The following SEMA3D variants were observed in gnomAD, a reference collection of about 807,000 sequenced individuals.
SEMA3D encodes the protein semaphorin 3D, also known as semaphorin-3D.
In SEMA3D, 84 loss-of-function variants were observed where a neutral mutation model predicts 100.1. That is an observed-to-expected ratio of 0.84 (90% CI 0.70 to 1.01). The LOEUF is 1.01. Among genes scored for constraint, SEMA3D ranks in the 50% least tolerant of loss-of-function variants. The probability of loss-of-function intolerance (pLI) is 0.00; values close to 1 mark genes in which losing one functional copy is unlikely to be tolerated. For synonymous variants in SEMA3D, 312 were observed against 320.7 expected, an observed-to-expected ratio of 0.97 and a Z score of 0.29; for missense variants, 875 against 934.1, an observed-to-expected ratio of 0.94 and a Z score of 0.82.
At chr7:85,020,184 C>T (rs762666588) in intron 14 of SEMA3D, 49 bp downstream of exon 14, 1 of 1,240,936 alleles carries the variant, frequency 8.1e-7, no homozygotes, top group Non-Finnish European at 1.2e-6. Flanking sequence ...ATAACAAGCG[C>T]TACTCAGTTT....
rs192329467 is a variant in SEMA3D, at chr7:85,035,521, G to A, written c.1191+1368C>T. Among the ~76,000 whole-genome samples, 300 of 151,898 alleles carry A rather than the reference G, an allele frequency of 2.0e-3. 1 individual carries two copies. The highest frequency in any genetic ancestry group is 0.01 in the Middle Eastern group (3 of 294). On this transcript the variant is annotated intron_variant, in intron 12 of 18. Coordinates refer to ENST00000284136, the MANE Select transcript of SEMA3D (RefSeq NM_001384900.1). Reference sequence around the variant, plus strand: ...CACTGCATGATTCCACTTATATAAGGTATCTATAATAGTCAAAATAATAGA... The same window carrying A: ...CACTGCATGATTCCACTTATATAAGATATCTATAATAGTCAAAATAATAGA...
At chr7:85,236,007 C>T in the SEMA3D span, among the ~76,000 whole-genome samples, 3 of 151,996 alleles carry the variant, frequency 2.0e-5, no homozygotes, top group East Asian at 1.9e-4. Context: ...TTTGTAAGGC[C>T]CCCTTTGAGA....
At chr7:85,246,340 A>G in the SEMA3D span, among the ~76,000 whole-genome samples, 1 of 152,070 alleles carries the variant, frequency 6.6e-6, no homozygotes, top group African/African-American at 2.4e-5. Context: ...GAAGTACTTC[A>G]TACAAAAAGC....
chr7:85,128,835 G>A (rs902839640), intron 2 of SEMA3D, among the ~76,000 whole-genome samples: 1 of 134,848 alleles, frequency 7.4e-6, no homozygotes, highest in Admixed American at 7.3e-5. Flanking sequence ...TTGGAAACTT[G>A]TTTTTCAAAG....
intron 18 of SEMA3D, among the ~76,000 whole-genome samples, chr7:85,004,598 C>G (rs1380039944): frequency 6.6e-6 from 1 of 152,086 alleles, no homozygotes; most frequent in Non-Finnish European, 1.5e-5. Flanking sequence ...ATGTTCTCCT[C>G]CTGGCAGAGA....
At chr7:85,016,973 A>G (rs1790122397) in intron 15 of SEMA3D, among the ~76,000 whole-genome samples, 1 of 151,606 alleles carries the variant, frequency 6.6e-6, no homozygotes, top group South Asian at 2.1e-4. Context: ...GGATATATAA[A>G]GATATATAAA....
intron 3 of SEMA3D, among the ~76,000 whole-genome samples, chr7:85,116,098 A>T (rs1433748466): frequency 6.6e-6 from 1 of 151,472 alleles, no homozygotes; most frequent in Middle Eastern, 3.2e-3. Flanking sequence ...TTTGTCATGA[A>T]TATGTTTGTG....
At chr7:85,019,776 G>A (rs1230859285) in intron 14 of SEMA3D, among the ~76,000 whole-genome samples, 1 of 151,496 alleles carries the variant, frequency 6.6e-6, no homozygotes, top group Non-Finnish European at 1.5e-5. Flanking sequence ...GAGGAGTTTA[G>A]CATACATGAA....
rs3076567 is a variant in SEMA3D at position 85,181,319 on chromosome 7, A to AACACACACAC, written c.-173+5349_-173+5358dup. Among the ~76,000 whole-genome samples, 75 of 93,678 alleles carry AACACACACAC rather than the reference A, an allele frequency of 8.0e-4. 1 individual carries two copies. Among genetic ancestry groups the AACACACACAC allele is most frequent in the African/African-American group, 3.2e-3 (69 of 21,246 alleles). The allele number at this position is 93,678 out of a possible 152,430, so 61.5% of individuals were successfully genotyped here. On this transcript the variant is annotated intron_variant, in intron 1 of 18. Transcript: ENST00000284136. Reference sequence around the variant, plus strand: ...TGACAAAGAATAAAGACATGCTCACAACACACACACACACACACACACACA... The same window carrying AACACACACAC: ...TGACAAAGAATAAAGACATGCTCACAACACACACACACACACACACACACACACACACACA...
intron 8 of SEMA3D, among the ~76,000 whole-genome samples, chr7:85,056,971 G>GATT (rs778647806): frequency 6.7e-6 from 1 of 149,598 alleles, no homozygotes; most frequent in Non-Finnish European, 1.5e-5. Flanking sequence ...TAATAAGTGT[G>GATT]ATTATTATTA....
rs1044460415 is a variant in SEMA3D at position 85,144,739 on chromosome 7, T to A, written c.-41+8869A>T. ...TTCCCCTTGCCTCTAGTATGATATG[T>A]CTGAATGGTGTAAAGCAAATAATAA... is the stretch of plus-strand genomic sequence containing the variant. On this transcript the variant is annotated intron_variant, in intron 2 of 18. Coordinates refer to ENST00000284136, the MANE Select transcript of SEMA3D (RefSeq NM_001384900.1). 1.7e-5 allele frequency: 15 copies of A among 862,216 alleles called. No homozygotes were observed. The African/African-American group carries it at 2.7e-4, about 16-fold the overall frequency. 53.4% of individuals were successfully genotyped at this position (862,216 alleles called of 1,614,324 possible). A position where few individuals can be genotyped will look rare whatever the true frequency, so the allele number is the denominator to read the frequency against.
intron 2 of SEMA3D, among the ~76,000 whole-genome samples, chr7:85,126,290 G>T (rs1300662637): frequency 1.3e-5 from 2 of 151,866 alleles, no homozygotes; most frequent in African/African-American, 2.4e-5. Flanking sequence ...ATGTGAAAAA[G>T]TAGCTTCTAT....
At chr7:85,035,912 T>C (rs1790680331) in intron 12 of SEMA3D, among the ~76,000 whole-genome samples, 1 of 152,042 alleles carries the variant, frequency 6.6e-6, no homozygotes, top group South Asian at 2.1e-4. Context: ...GAGATGGTTG[T>C]ATAGCATACT....
At chr7:85,066,141 A>G (rs552807754) in intron 7 of SEMA3D, among the ~76,000 whole-genome samples, 7 of 152,304 alleles carry the variant, frequency 4.6e-5, no homozygotes, top group Admixed American at 4.6e-4. Context: ...AGATGTTGCC[A>G]TTACTGCATA....
the SEMA3D span, among the ~76,000 whole-genome samples, chr7:85,197,993 C>T: frequency 6.6e-6 from 1 of 152,074 alleles, no homozygotes; most frequent in African/African-American, 2.4e-5. Flanking sequence ...ATTAGTAGTC[C>T]TTAAAAGCAG....
intron 17 of SEMA3D, 25 bp downstream of exon 17, chr7:85,012,757 A>G (rs779974681): frequency 1.3e-6 from 2 of 1,581,156 alleles, no homozygotes; most frequent in Admixed American, 3.4e-5. Flanking sequence ...AAATGGGAGA[A>G]AAAGCATATC....
At chr7:85,189,552 T>C (rs945184944), upstream of SEMA3D, among the ~76,000 whole-genome samples, 2 of 152,214 alleles carry the variant, frequency 1.3e-5, no homozygotes, top group African/African-American at 2.4e-5. Context: ...AGGGTGACTA[T>C]TCAAGATTTA....
intron 12 of SEMA3D, among the ~76,000 whole-genome samples, chr7:85,033,441 A>G (rs1403635120): frequency 2.0e-5 from 3 of 152,146 alleles, no homozygotes; most frequent in Non-Finnish European, 4.4e-5. Flanking sequence ...AGCAGCAGGG[A>G]AGGCGGTGAC....
rs147071341 is a variant in SEMA3D, at chr7:85,158,715, G to A, written c.-172-4976C>T. 3.1e-3 allele frequency among the ~76,000 whole-genome samples: 476 copies of A among 152,140 alleles called. 1 individual carries two copies. The highest frequency in any genetic ancestry group is 0.011 in the African/African-American group (450 of 41,492). ...ACTAATAAAAACTTGCTGGTTTTGC[G>A]GCTTGCGGGGCATCACGGAACCTGC... On this transcript the variant is annotated intron_variant, in intron 1 of 18. Transcript: ENST00000284136.
Sources: gnomAD v4.1 joint callset for allele counts (sites outside exome capture counted in the v4.1 genomes callset) on GRCh38, gnomAD v4.1.1 for gene constraint, MANE v1.5 for transcripts, NCBI Gene and HGNC (gene_info 2026-07-23, HGNC 2026-07-21) for gene names.